MAST3: variants seen among roughly 807,000 people sequenced by gnomAD.
MAST3 encodes the protein microtubule-associated serine/threonine-protein kinase 3.
In MAST3, 43 loss-of-function variants were observed where a neutral mutation model predicts 127.0. That is an observed-to-expected ratio of 0.34 (90% CI 0.27 to 0.44). The LOEUF is 0.44. Ranked by LOEUF, MAST3 falls within the 20% of genes least tolerant of loss-of-function variation. The pLI is 1.00. For missense variants in MAST3, 1,390 were observed against 1,919.1 expected (o/e 0.72, Z 5.15); for synonymous variants, 785 against 809.2 (o/e 0.97, Z 0.51).
Position 18,144,873 on chromosome 19 carries a change from TG to T in MAST3, c.2813-128del. 1.2e-6 allele frequency: 1 copy of T among 859,238 alleles called. No homozygotes were observed. Among genetic ancestry groups the T allele is most frequent in the Non-Finnish European group, 1.9e-6 (1 of 534,552 alleles). The allele number at this position is 859,238 out of a possible 1,614,324, so 53.2% of individuals were successfully genotyped here. On this transcript the variant is annotated intron_variant, in intron 23 of 27. Transcript: ENST00000687212. The surrounding 1 kb of genome is among the most constrained non-coding windows in gnomAD (Gnocchi z 4.0). ...AGAGGGCACTGCACGTGCAAAGGCC[TG>T]GTGGGGTGACCATGCTTGGGACATT... is the stretch of plus-strand genomic sequence containing the variant.
Position 18,110,563 on chromosome 19 carries a change from G to A in MAST3, c.72-89G>A. Reference sequence around the variant, plus strand: ...CCGGTCTTGGGCCCCTACTCCCTGAGGGAACCGCAGCCGCCATCCGGAGAT... The same window carrying A: ...CCGGTCTTGGGCCCCTACTCCCTGAAGGAACCGCAGCCGCCATCCGGAGAT... On this transcript the variant is annotated intron_variant, in intron 2 of 27. Transcript: ENST00000687212. The surrounding 1 kb of genome is among the most constrained non-coding windows in gnomAD (Gnocchi z 4.3). 1.2e-6 allele frequency: 1 copy of A among 863,366 alleles called. No individual in the cohort carries two copies. Among genetic ancestry groups the A allele is most frequent in the Non-Finnish European group, 1.4e-6 (1 of 718,230 alleles). The allele number at this position is 863,366 out of a possible 1,614,324, so 53.5% of individuals were successfully genotyped here. A position where few individuals can be genotyped will look rare whatever the true frequency, so the allele number is the denominator to read the frequency against.
Position 18,121,869 on chromosome 19 carries a change from T to G in MAST3, c.267T>G (p.Asp89Glu). ...CCTCAGCAGGCAGCAGCCCCTTGGATAGTCCTCGGAATTTCTCGGCTGCCT... is the reference window on the plus strand; with the variant it reads ...CCTCAGCAGGCAGCAGCCCCTTGGAGAGTCCTCGGAATTTCTCGGCTGCCT... The part of the protein sequence containing the change: ...LSVPTGSSPL[D>E]SPRNFSAASA... The change falls in exon 5 of 28, where the codon GAT becomes GAG. Residue 89 changes from aspartate (D) to glutamate (E), a missense_variant. By Grantham distance (45) the Asp-to-Glu change is conservative. Coordinates refer to ENST00000687212, the MANE Select transcript of MAST3 (RefSeq NM_001393504.1). 6.2e-7 allele frequency: 1 copy of G among 1,614,016 alleles called. No homozygotes were observed. The highest frequency in any genetic ancestry group is 8.5e-7 in the Non-Finnish European group (1 of 1,179,896).
chr19:18,130,817 T>G (rs2041195000), intron 14 of MAST3, 115 bp downstream of exon 14: 3 of 1,075,294 alleles, frequency 2.8e-6, no homozygotes, highest in Non-Finnish European at 1.4e-6. Flanking sequence ...GGTCTCACCC[T>G]GCTTTGGGGA....
Position 18,144,360 on chromosome 19 carries a change from G to GTAA in MAST3, c.2585-106_2585-105insTAA. On this transcript the variant is annotated intron_variant, in intron 22 of 27. Transcript: ENST00000687212. This position sits in a 1 kb window ranked among gnomAD's most constrained non-coding sequence, Gnocchi z 4.0. ...AGGGAACTGCATGAGCAAAGGCCAG[G>GTAA]AGGCTGGACTGTGTAAATAGTGACC... The GTAA allele has an allele frequency of 2.0e-6, 2 of 978,808 alleles. No homozygotes were observed. The highest frequency in any genetic ancestry group is 3.1e-6 in the Non-Finnish European group (2 of 654,090). The allele number at this position is 978,808 out of a possible 1,614,324, so 60.6% of individuals were successfully genotyped here.
At chr19:18,130,741 A>G in intron 14 of MAST3, 39 bp downstream of exon 14, 1 of 1,592,908 alleles carries the variant, frequency 6.3e-7, no homozygotes, top group South Asian at 1.1e-5. Flanking sequence ...AGCGATGGGG[A>G]GCTCACCCCT....
chr19:18,145,375 G>T lies in MAST3; in HGVS notation c.3039+146G>T. 1.3e-6 allele frequency: 1 copy of T among 778,862 alleles called. No individual in the cohort carries two copies. The highest frequency in any genetic ancestry group is 2.1e-6 in the Non-Finnish European group (1 of 470,342). The allele number at this position is 778,862 out of a possible 1,614,324, so 48.2% of individuals were successfully genotyped here. A position where few individuals can be genotyped will look rare whatever the true frequency, so the allele number is the denominator to read the frequency against. On this transcript the variant is annotated intron_variant, in intron 24 of 27. Transcript: ENST00000687212. The surrounding 1 kb of genome is among the most constrained non-coding windows in gnomAD (Gnocchi z 5.9). ...GAGTTCATCTCGGTCCCTGTCATTTGGCAGGGAGGAGGTCAGATGAGAGAG... is the reference window on the plus strand; with the variant it reads ...GAGTTCATCTCGGTCCCTGTCATTTTGCAGGGAGGAGGTCAGATGAGAGAG...
In MAST3 at chr19:18,144,535, G is replaced by C. The variant is rs1200453677; in HGVS notation, c.2654G>C (p.Arg885Thr). The C allele has an allele frequency of 3.7e-6, 6 of 1,610,734 alleles. No homozygotes were observed. Among genetic ancestry groups the C allele is most frequent in the Non-Finnish European group, 4.2e-6 (5 of 1,179,472 alleles). ...ATCGGCGCCCGACACTCCACACCAA[G>C]GCCTCTGGATGCCGGCCGGGGCCGC... ...NSIGARHSTP[R>T]PLDAGRGRRL... The change falls in exon 23 of 28, where the codon AGG becomes ACG. Residue 885 changes from arginine (R) to threonine (T), a missense_variant. Arg to Thr is a moderately conservative substitution (Grantham distance 71). Coordinates refer to ENST00000687212, the MANE Select transcript of MAST3 (RefSeq NM_001393504.1). This position sits in a 1 kb window ranked among gnomAD's most constrained non-coding sequence, Gnocchi z 4.0.
intron 21 of MAST3, among the ~76,000 whole-genome samples, chr19:18,142,735 C>T (rs982709469): frequency 1.3e-5 from 2 of 151,312 alleles, no homozygotes; most frequent in Admixed American, 6.6e-5. Context: ...CTCACTTCAG[C>T]CTCAGACTCC....
chr19:18,147,570 C>T lies in MAST3; in HGVS notation c.3454C>T (p.Leu1152Phe), dbSNP rs774381853. 2.5e-6 allele frequency: 4 copies of T among 1,581,496 alleles called. No individual in the cohort carries two copies. The highest frequency in any genetic ancestry group is 3.4e-6 in the Non-Finnish European group (4 of 1,164,706). ...ESLPGSPTHS[L>F]SPSPTTPCRS... ...CCTCCCCGGCTCGCCCACCCACAGCCTCTCCCCCAGCCCCACCACTCCCTG... is the reference window on the plus strand; with the variant it reads ...CCTCCCCGGCTCGCCCACCCACAGCTTCTCCCCCAGCCCCACCACTCCCTG... Residue 1152 changes from leucine (L) to phenylalanine (F), a missense_variant, in exon 27 of 28, where the codon CTC becomes TTC. Physicochemically the swap from Leu to Phe is conservative, Grantham distance 22 (BLOSUM62 0). This residue lies in a region of MAST3 where 816 missense variants were observed against 934.1 expected (regional missense o/e 0.87). Coordinates refer to ENST00000687212, the MANE Select transcript of MAST3 (RefSeq NM_001393504.1).
Position 18,145,832 on chromosome 19 carries a change from G to T in MAST3, c.3129G>T (p.Leu1043=), listed in dbSNP as rs1445058065. Residue 1043 remains leucine (L), a synonymous_variant, in exon 25 of 28, where the codon CTG becomes CTT. Coordinates refer to ENST00000687212, the MANE Select transcript of MAST3 (RefSeq NM_001393504.1). This position sits in a 1 kb window ranked among gnomAD's most constrained non-coding sequence, Gnocchi z 5.9. The part of the protein sequence containing the change: ...THINGESVLG[L]VHMDVVELLL... The stretch of plus-strand genomic sequence containing the variant: ...TCAACGGGGAGTCAGTGCTGGGGCT[G>T]GTGCACATGGACGTCGTGGAGCTGC... The T allele has an allele frequency of 6.3e-7, 1 of 1,599,312 alleles. No homozygotes were observed. Among genetic ancestry groups the T allele is most frequent in the Non-Finnish European group, 8.5e-7 (1 of 1,174,318 alleles).
At chr19:18,119,738 G>A (rs2039735830) in intron 3 of MAST3, among the ~76,000 whole-genome samples, 2 of 152,194 alleles carry the variant, frequency 1.3e-5, no homozygotes, top group African/African-American at 4.8e-5. Context: ...CAGGCTCAAG[G>A]GGCAGCCACA....
At chr19:18,127,350 C>T (rs1277839229) in intron 11 of MAST3, among the ~76,000 whole-genome samples, 4 of 151,850 alleles carry the variant, frequency 2.6e-5, no homozygotes, top group African/African-American at 7.2e-5. Context: ...GAGTTTGAGA[C>T]GAGCCTGGCC....
At chr19:18,123,808 CACCA>C in intron 8 of MAST3, 127 bp from the exon 9 acceptor site, 1 of 1,054,640 alleles carries the variant, frequency 9.5e-7, no homozygotes, top group Non-Finnish European at 1.4e-6. Context: ...GTTCCTCCTG[CACCA>C]GCCCTCCCAC....
intron 1 of MAST3, among the ~76,000 whole-genome samples, chr19:18,104,596 C>A (rs2037922254): frequency 6.6e-6 from 1 of 152,128 alleles, no homozygotes; most frequent in Non-Finnish European, 1.5e-5. Context: ...ACGACGTGGG[C>A]AGCCTGGAGC....
In MAST3 at chr19:18,147,573, TC is replaced by T; in HGVS notation, c.3462del (p.Ser1155AlafsTer185). Reference protein sequence around the residue: ...SLPGSPTHSLSPSPTTPCRSP... With the variant: ...SLPGSPTHSLXPSPTTPCRSP... ...CCCCGGCTCGCCCACCCACAGCCTC[TC>T]CCCCAGCCCCACCACTCCCTGCCGA... On this transcript the variant is annotated frameshift_variant, in exon 27 of 28. Coordinates refer to ENST00000687212, the MANE Select transcript of MAST3 (RefSeq NM_001393504.1). LOFTEE classifies it low-confidence loss of function (END_TRUNC). 1 of 1,574,366 alleles carries T rather than the reference TC, an allele frequency of 6.4e-7. No homozygotes were observed. Among genetic ancestry groups the T allele is most frequent in the Non-Finnish European group, 8.6e-7 (1 of 1,161,270 alleles).
chr19:18,146,911 G>A lies in MAST3; in HGVS notation c.3193G>A (p.Ala1065Thr). 1 of 1,557,334 alleles carries A rather than the reference G, an allele frequency of 6.4e-7. No homozygotes were observed. Residue 1065 changes from alanine (A) to threonine (T), a missense_variant, in exon 26 of 28, where the codon GCC becomes ACC. By Grantham distance (58) the Ala-to-Thr change is moderately conservative (BLOSUM62 0). Transcript: ENST00000687212. ...CAACAAGATATCCCTGCGGACCACA[G>A]CCCTGGAGAACACCTCCATCAAGGT... ...SGNKISLRTT[A>T]LENTSIKVGP...
At chr19:18,113,250 TAAACGTCCCAAC>T (rs1175615407) in intron 3 of MAST3, among the ~76,000 whole-genome samples, 1 of 151,312 alleles carries the variant, frequency 6.6e-6, no homozygotes, top group African/African-American at 2.4e-5. Flanking sequence ...AATAAGCTCA[TAAACGTCCCAAC>T]AGAGTCCAGC....
At chr19:18,107,530 C>G (rs2038171048) in intron 1 of MAST3, 57 bp from the exon 2 acceptor site, 1 of 1,573,730 alleles carries the variant, frequency 6.4e-7, no homozygotes, top group South Asian at 1.1e-5. Context: ...CATCAACGGC[C>G]AGGGGTTCTG....
At position 18,112,038 on chromosome 19, in the gene MAST3, A is replaced by T. The variant is rs1230760407; in HGVS notation, c.161+1297A>T. Among the ~76,000 whole-genome samples the T allele has an allele frequency of 1.3e-5, 2 of 152,382 alleles. No individual in the cohort carries two copies. Among genetic ancestry groups the T allele is most frequent in the South Asian group, 4.1e-4 (2 of 4,834 alleles). ...TAAAACTAATGGATAAACAAGATGTATTCAGACAGGGACCTCTTGGGGAGG... is the reference window on the plus strand; with the variant it reads ...TAAAACTAATGGATAAACAAGATGTTTTCAGACAGGGACCTCTTGGGGAGG... On this transcript the variant is annotated intron_variant, in intron 3 of 27. Coordinates refer to ENST00000687212, the MANE Select transcript of MAST3 (RefSeq NM_001393504.1). The surrounding 1 kb of genome is among the most constrained non-coding windows in gnomAD (Gnocchi z 4.1).
Sources: allele counts gnomAD v4.1 joint callset (sites outside exome capture counted in the v4.1 genomes callset), GRCh38; gene constraint gnomAD v4.1.1; regional missense constraint gnomAD v4.1.1; non-coding constraint Gnocchi (gnomAD v3.1); transcripts MANE v1.5; gene names NCBI Gene and HGNC (gene_info 2026-07-23, HGNC 2026-07-21).